EMILIN2: variants seen among roughly 807,000 people sequenced by gnomAD.
EMILIN2 encodes EMILIN-2.
Under a neutral mutation model 87.1 loss-of-function variants are expected in EMILIN2, and 71 were observed. That is an observed-to-expected ratio of 0.82 (90% confidence interval 0.67 to 0.99). EMILIN2 has a LOEUF of 0.99. EMILIN2 is among the 50% of genes least tolerant of loss of function. The probability of loss-of-function intolerance (pLI) is 0.00; values close to 1 mark genes in which losing one functional copy is unlikely to be tolerated. For synonymous variants in EMILIN2, 581 were observed against 563.4 expected, an observed-to-expected ratio of 1.03 and a Z score of -0.44; for missense variants, 1,407 against 1,371.8, an observed-to-expected ratio of 1.03 and a Z score of -0.40.
rs1242069239 is a variant in EMILIN2, at chr18:2,914,667, A to G, written c.*1263A>G. On this transcript the variant is annotated 3_prime_UTR_variant, in exon 8 of 8. Transcript: ENST00000254528. ...ACTGGGGAAAGGTTTGGACGGTAGA[A>G]TCAAGAGCTGCAGTTTCCTTGGCCC... is the stretch of plus-strand genomic sequence containing the variant. 1 of 152,184 alleles carries G rather than the reference A, an allele frequency of 6.6e-6. No homozygotes were observed. The highest frequency in any genetic ancestry group is 1.5e-5 in the Non-Finnish European group (1 of 68,056). The allele number at this position is 152,184 out of a possible 1,614,324, so 9.4% of individuals were successfully genotyped here. A position where few individuals can be genotyped will look rare whatever the true frequency, so the allele number is the denominator to read the frequency against.
At position 2,884,104 on chromosome 18, in the gene EMILIN2, C is replaced by T. The variant is rs9958153; in HGVS notation, c.258-860C>T. Among the ~76,000 whole-genome samples, 1,317 of 151,948 alleles carry T rather than the reference C, an allele frequency of 8.7e-3. 16 individuals are homozygous for T. The highest frequency in any genetic ancestry group is 0.03 in the African/African-American group (1,246 of 41,402). On this transcript the variant is annotated intron_variant, in intron 2 of 7. Coordinates refer to ENST00000254528, the MANE Select transcript of EMILIN2 (RefSeq NM_032048.3). Reference sequence around the variant, plus strand: ...CCAAGGAGCTGGGACTACAGGCGCACGCCATCACGCCCGGCTAATGTTTTT... The same window carrying T: ...CCAAGGAGCTGGGACTACAGGCGCATGCCATCACGCCCGGCTAATGTTTTT...
rs1343976322 is a variant in EMILIN2 at position 2,848,298 on chromosome 18, G to A, written c.257+367G>A. On this transcript the variant is annotated intron_variant, in intron 2 of 7. Coordinates refer to ENST00000254528, the MANE Select transcript of EMILIN2 (RefSeq NM_032048.3). The surrounding 1 kb of genome is among the most constrained non-coding windows in gnomAD (Gnocchi z 4.1). ...ATTGTGTGTTCTGGGGCACACAGAA[G>A]ATTCCAAAATGTATACTGCTAAAGA... 6.6e-6 allele frequency among the ~76,000 whole-genome samples: 1 copy of A among 152,202 alleles called. No individual in the cohort carries two copies. Among genetic ancestry groups the A allele is most frequent in the Non-Finnish European group, 1.5e-5 (1 of 68,040 alleles).
intron 5 of EMILIN2, among the ~76,000 whole-genome samples, chr18:2,908,234 C>T (rs1009142485): frequency 6.6e-6 from 1 of 152,230 alleles, no homozygotes; most frequent in Admixed American, 6.5e-5. Flanking sequence ...ACGCACCCTT[C>T]CGTGCATGCA....
intron 2 of EMILIN2, among the ~76,000 whole-genome samples, chr18:2,873,656 A>C (rs866485607): frequency 6.6e-6 from 1 of 152,044 alleles, no homozygotes; most frequent in Non-Finnish European, 1.5e-5. Context: ...GCAGTGAGCC[A>C]AGATCGCGTC....
At chr18:2,883,590 G>C (rs570017411) in intron 2 of EMILIN2, among the ~76,000 whole-genome samples, 1 of 152,348 alleles carries the variant, frequency 6.6e-6, no homozygotes, top group South Asian at 2.1e-4. Flanking sequence ...GGGCCGCTGC[G>C]GGGGCTGAAC....
intron 3 of EMILIN2, among the ~76,000 whole-genome samples, chr18:2,888,114 T>C (rs1342025130): frequency 6.6e-6 from 1 of 152,268 alleles, no homozygotes; most frequent in East Asian, 1.9e-4. Context: ...AATTTTTCAC[T>C]ATTATAGATA....
intron 2 of EMILIN2, among the ~76,000 whole-genome samples, chr18:2,867,567 G>C (rs1191917241): frequency 6.6e-6 from 1 of 152,114 alleles, no homozygotes; most frequent in African/African-American, 2.4e-5. Context: ...CGAGCATGCT[G>C]CCTTCAAGCA....
chr18:2,908,142 G>A (rs1162942052), intron 5 of EMILIN2, among the ~76,000 whole-genome samples: 2 of 152,226 alleles, frequency 1.3e-5, no homozygotes, highest in Non-Finnish European at 2.9e-5. Context: ...CATTTTCTAA[G>A]ATAACACTTA....
intron 3 of EMILIN2, among the ~76,000 whole-genome samples, chr18:2,888,922 C>T (rs140633547): frequency 1.1e-3 from 161 of 152,062 alleles, no homozygotes; most frequent in African/African-American, 3.3e-3. Flanking sequence ...AAACAATGAT[C>T]GTTGAATTCA....
At chr18:2,912,591 A>C (rs1165770869) in intron 7 of EMILIN2, among the ~76,000 whole-genome samples, 1 of 152,062 alleles carries the variant, frequency 6.6e-6, no homozygotes, top group Admixed American at 6.5e-5. Context: ...TGGGCCCAGA[A>C]CGTGTGGGTC....
In EMILIN2 at chr18:2,859,331, A is replaced by AT. The variant is rs536338133; in HGVS notation, c.257+11406dup. Among the ~76,000 whole-genome samples, 1,095 of 151,942 alleles carry AT rather than the reference A, an allele frequency of 7.2e-3. 4 individuals carry two copies. The highest frequency in any genetic ancestry group is 0.012 in the Admixed American group (182 of 15,252). On this transcript the variant is annotated intron_variant, in intron 2 of 7. Transcript: ENST00000254528. ...TCCCTGATCATTAGTAATGTTGAGGATTTTTTCATATGTTTTTTGGCCATT... is the reference window on the plus strand; with the variant it reads ...TCCCTGATCATTAGTAATGTTGAGGATTTTTTTCATATGTTTTTTGGCCATT...
rs1262466685 is a variant in EMILIN2, at chr18:2,892,073, A to C, written c.1946A>C (p.Gln649Pro). 2 of 1,614,128 alleles carry C rather than the reference A, an allele frequency of 1.2e-6. No individual in the cohort carries two copies. The highest frequency in any genetic ancestry group is 1.7e-6 in the Non-Finnish European group (2 of 1,180,050). The change falls in exon 4 of 8, where the codon CAA becomes CCA. Residue 649 changes from glutamine to proline, a missense_variant. Gln to Pro is a moderately conservative substitution (Grantham distance 76). Coordinates refer to ENST00000254528, the MANE Select transcript of EMILIN2 (RefSeq NM_032048.3). ...GGTAGGTTCACTAAGGTGGGTGAGC[A>C]AGAAAGGACAGTGGACACCCTGCCG... The part of the protein sequence containing the change: ...GMGRFTKVGE[Q>P]ERTVDTLPSP...
Position 2,858,569 on chromosome 18 carries a change from A to ATATATG in EMILIN2, c.257+10639_257+10640insATATGT, listed in dbSNP as rs1305555851. Among the ~76,000 whole-genome samples the ATATATG allele has an allele frequency of 6.7e-4, 37 of 55,338 alleles. 1 individual carries two copies. Among genetic ancestry groups the ATATATG allele is most frequent in the African/African-American group, 1.3e-3 (11 of 8,480 alleles). The allele number at this position is 55,338 out of a possible 152,430, so 36.3% of individuals were successfully genotyped here. A position where few individuals can be genotyped will look rare whatever the true frequency, so the allele number is the denominator to read the frequency against. ...TATATATATATATATATATATATATATGTGTGTGTGTGTGTATATATATAT... is the reference window on the plus strand; with the variant it reads ...TATATATATATATATATATATATATATATATGTGTGTGTGTGTGTGTATATATATAT... On this transcript the variant is annotated intron_variant, in intron 2 of 7. Coordinates refer to ENST00000254528, the MANE Select transcript of EMILIN2 (RefSeq NM_032048.3).
intron 2 of EMILIN2, among the ~76,000 whole-genome samples, chr18:2,856,187 C>T (rs570496762): frequency 1.1e-3 from 168 of 152,032 alleles, no homozygotes; most frequent in African/African-American, 4.0e-3. Flanking sequence ...CCAGCCTGGG[C>T]AACATAGTGA....
chr18:2,887,961 C>A (rs191991655), intron 3 of EMILIN2, among the ~76,000 whole-genome samples: 1 of 152,148 alleles, frequency 6.6e-6, no homozygotes, highest in Non-Finnish European at 1.5e-5. Flanking sequence ...CCACTGCACT[C>A]GACCTGGAAC....
Position 2,891,410 on chromosome 18 carries a change from G to T in EMILIN2, c.1283G>T (p.Gly428Val), listed in dbSNP as rs1370043858. The T allele has an allele frequency of 1.2e-6, 2 of 1,614,106 alleles. No homozygotes were observed. The highest frequency in any genetic ancestry group is 1.7e-5 in the Admixed American group (1 of 60,008). ...RVAEATRMLN[G>V]RLDNEFDRLI... Reference sequence around the variant, plus strand: ...GCTGAAGCCACCAGAATGCTGAATGGAAGACTGGACAATGAGTTTGACCGC... The same window carrying T: ...GCTGAAGCCACCAGAATGCTGAATGTAAGACTGGACAATGAGTTTGACCGC... The change falls in exon 4 of 8, where the codon GGA becomes GTA. Residue 428 changes from glycine to valine, a missense_variant. Gly to Val is a moderately radical substitution (Grantham distance 109). Coordinates refer to ENST00000254528, the MANE Select transcript of EMILIN2 (RefSeq NM_032048.3). This position sits in a 1 kb window ranked among gnomAD's most constrained non-coding sequence, Gnocchi z 4.6.
intron 2 of EMILIN2, among the ~76,000 whole-genome samples, chr18:2,875,915 A>G (rs561707643): frequency 1.9e-4 from 29 of 152,100 alleles, no homozygotes; most frequent in African/African-American, 6.5e-4. Flanking sequence ...AATTGTGGGG[A>G]AAACTTCTAT....
chr18:2,885,058 T>C lies in EMILIN2; in HGVS notation c.352T>C (p.Cys118Arg). The change falls in exon 3 of 8, where the codon TGC becomes CGC. Residue 118 changes from cysteine (C) to arginine (R), a missense_variant. Physicochemically the swap from Cys to Arg is radical, Grantham distance 180 (BLOSUM62 -3). Transcript: ENST00000254528. Reference protein sequence around the residue: ...RCCPGFRGGDCQEGPKDPVKT... With the variant: ...RCCPGFRGGDRQEGPKDPVKT... ...CTGTCCTGGCTTTAGAGGGGGAGAT[T>C]GCCAAGAAGGTCCCAAAGACCCCGT... 1 of 1,613,758 alleles carries C rather than the reference T, an allele frequency of 6.2e-7. No individual in the cohort carries two copies. Among genetic ancestry groups the C allele is most frequent in the Non-Finnish European group, 8.5e-7 (1 of 1,179,862 alleles).
Position 2,891,001 on chromosome 18 carries a change from GGGC to G in EMILIN2, c.875_877del (p.Gly292_Gln293delinsGlu), listed in dbSNP as rs746030925. 1.1e-5 allele frequency: 18 copies of G among 1,614,110 alleles called. 2 individuals carry two copies. In the South Asian group the frequency reaches 1.9e-4, roughly 17 times the overall value. ...GGATGGAAAAGTGAAGGGCTACGAA[GGGC>G]AGCTCAGACAGCTCCAGGAAGCAGC... On this transcript the variant is annotated inframe_deletion, in exon 4 of 8. Transcript: ENST00000254528. The surrounding 1 kb of genome is among the most constrained non-coding windows in gnomAD (Gnocchi z 4.6).
Sources: gnomAD v4.1 joint callset for allele counts (sites outside exome capture counted in the v4.1 genomes callset) on GRCh38, gnomAD v4.1.1 for gene constraint, Gnocchi (gnomAD v3.1) non-coding constraint, MANE v1.5 for transcripts, NCBI Gene and HGNC (gene_info 2026-07-23, HGNC 2026-07-21) for gene names.